IARS2: variants seen among roughly 807,000 people sequenced by gnomAD.
IARS2 encodes isoleucyl-tRNA synthetase 2, mitochondrial.
A neutral mutation model predicts 126.3 loss-of-function variants in IARS2; 56 were observed. The ratio of observed to expected loss-of-function variants is 0.44; its 90% confidence interval spans 0.36 to 0.55. The LOEUF is 0.55. IARS2 is among the 20% of genes least tolerant of loss of function. The pLI is 0.00. For synonymous variants in IARS2, 407 were observed against 441.1 expected (o/e 0.92, Z 0.97); for missense variants, 1,127 against 1,245.9 (o/e 0.90, Z 1.44).
rs551635063 is a variant in IARS2 at position 220,110,768 on chromosome 1, G to T, written c.1328-18G>T. 1.2e-4 allele frequency: 185 copies of T among 1,518,474 alleles called. No homozygotes were observed. The highest frequency in any genetic ancestry group is 1.6e-4 in the Non-Finnish European group (174 of 1,111,162). The allele number at this position is 1,518,474 out of a possible 1,614,324, so 94.1% of individuals were successfully genotyped here. ...GTACTTTTTAATTATGTCTAATTTG[G>T]TGTTTTTTTTTTTAAAGTTATAAAG... On this transcript the variant is annotated intron_variant, in intron 10 of 22. Transcript: ENST00000366922.
chr1:220,141,365 G>C (rs1302949077), intron 19 of IARS2, among the ~76,000 whole-genome samples: 2 of 152,180 alleles, frequency 1.3e-5, no homozygotes, highest in African/African-American at 4.8e-5. Flanking sequence ...CCAGTGTGCA[G>C]GTGACGGTCC....
intron 11 of IARS2, among the ~76,000 whole-genome samples, chr1:220,111,576 GTATATATA>G (rs148565915): frequency 8.6e-5 from 12 of 139,540 alleles, no homozygotes; most frequent in Non-Finnish European, 1.4e-4. Flanking sequence ...TTCTATATGG[GTATATATA>G]TATATATATA....
At chr1:220,102,084 C>T (rs1299108052) in intron 3 of IARS2, 45 bp from the exon 4 acceptor site, 21 of 1,536,124 alleles carry the variant, frequency 1.4e-5, no homozygotes, top group Non-Finnish European at 1.8e-5. Flanking sequence ...TTTAAGAATT[C>T]GAATTCATTG....
At position 220,116,826 on chromosome 1, in the gene IARS2, A is replaced by T. The variant is rs759283685; in HGVS notation, c.1640+2352A>T. ...CAGTGATGTGATCTTGGCTCACTAC[A>T]ACCTCCACCTCCCAGGTTCAAGTGA... On this transcript the variant is annotated intron_variant, in intron 12 of 22. Coordinates refer to ENST00000366922, the MANE Select transcript of IARS2 (RefSeq NM_018060.4). 2.4e-4 allele frequency among the ~76,000 whole-genome samples: 37 copies of T among 152,182 alleles called. 1 individual carries two copies. The Middle Eastern group carries it at 0.017, about 70-fold the overall frequency.
intron 21 of IARS2, among the ~76,000 whole-genome samples, chr1:220,145,011 C>T (rs1657559094): frequency 6.6e-6 from 1 of 151,430 alleles, no homozygotes; most frequent in African/African-American, 2.4e-5. Context: ...TTCAGATTGC[C>T]ACTATCAGTA....
chr1:220,142,370 C>T (rs1301643747), intron 20 of IARS2, among the ~76,000 whole-genome samples: 3 of 151,958 alleles, frequency 2.0e-5, no homozygotes, highest in African/African-American at 4.8e-5. Context: ...ATGGTGGTGG[C>T]GGGTGCCTGT....
intron 1 of IARS2, among the ~76,000 whole-genome samples, chr1:220,095,659 G>A (rs918857821): frequency 2.0e-5 from 3 of 152,188 alleles, no homozygotes. Flanking sequence ...GCAAGTGAGG[G>A]AAGGGAAGTG....
intron 2 of IARS2, among the ~76,000 whole-genome samples, chr1:220,099,398 T>G (rs1358102736): frequency 6.6e-6 from 1 of 152,164 alleles, no homozygotes; most frequent in Non-Finnish European, 1.5e-5. Flanking sequence ...GTAAAACATT[T>G]TTGAGATATA....
In IARS2 at chr1:220,134,517, A is replaced by G; in HGVS notation, c.1946+7A>G. On this transcript the variant is annotated splice_region_variant and intron_variant, in intron 15 of 22. Coordinates refer to ENST00000366922, the MANE Select transcript of IARS2 (RefSeq NM_018060.4). Reference sequence around the variant, plus strand: ...GGAAGAGAGCACCTTATAAGTAAGTATTTATGCCTGAACCAACCTGCTGAG... The same window carrying G: ...GGAAGAGAGCACCTTATAAGTAAGTGTTTATGCCTGAACCAACCTGCTGAG... 1.3e-6 allele frequency: 2 copies of G among 1,592,278 alleles called. No homozygotes were observed. The highest frequency in any genetic ancestry group is 1.7e-6 in the Non-Finnish European group (2 of 1,163,736).
At chr1:220,128,545 TC>T (rs1206942511) in intron 14 of IARS2, among the ~76,000 whole-genome samples, 1 of 152,184 alleles carries the variant, frequency 6.6e-6, no homozygotes, top group East Asian at 1.9e-4. Context: ...GACACATTTC[TC>T]AGAGCATATC....
chr1:220,121,466 TA>T (rs1259927090), intron 12 of IARS2, among the ~76,000 whole-genome samples: 1 of 152,178 alleles, frequency 6.6e-6, no homozygotes, highest in Admixed American at 6.5e-5. Flanking sequence ...ACGGTTGCTT[TA>T]ATAACATGCC....
At chr1:220,109,560 A>T (rs1032421013) in intron 10 of IARS2, among the ~76,000 whole-genome samples, 1 of 152,244 alleles carries the variant, frequency 6.6e-6, no homozygotes, top group African/African-American at 2.4e-5. Flanking sequence ...GCATTAACTG[A>T]TATTAAGCAC....
intron 14 of IARS2, among the ~76,000 whole-genome samples, chr1:220,127,341 G>A (rs1212298248): frequency 6.6e-6 from 1 of 152,136 alleles, no homozygotes; most frequent in African/African-American, 2.4e-5. Flanking sequence ...TCTCCTCTCT[G>A]TACAAACAGC....
chr1:220,138,946 C>T (rs1657434975), intron 17 of IARS2, 62 bp from the exon 18 acceptor site: 12 of 1,430,454 alleles, frequency 8.4e-6, no homozygotes, highest in Non-Finnish European at 1.1e-5. Context: ...AATAACTTTT[C>T]AGTGAAAATT....
At chr1:220,142,307 A>G (rs773017430) in intron 20 of IARS2, among the ~76,000 whole-genome samples, 37 of 152,132 alleles carry the variant, frequency 2.4e-4, no homozygotes, top group Non-Finnish European at 5.1e-4. Flanking sequence ...AAAATTAGCC[A>G]GGCCAACATG....
intron 16 of IARS2, chr1:220,137,707 A>G (rs546168889): frequency 2.3e-5 from 12 of 525,558 alleles, no homozygotes; most frequent in Middle Eastern, 5.3e-4. Flanking sequence ...TGCATTGAAC[A>G]AGATTGCAGA....
chr1:220,134,592 G>T, intron 15 of IARS2, 82 bp downstream of exon 15: 1 of 736,636 alleles, frequency 1.4e-6, no homozygotes, highest in Non-Finnish European at 2.2e-6. Flanking sequence ...AGATGATAAG[G>T]CACCACTCTT....
chr1:220,107,453 A>G (rs1656704512), intron 10 of IARS2, among the ~76,000 whole-genome samples: 1 of 152,160 alleles, frequency 6.6e-6, no homozygotes, highest in South Asian at 2.1e-4. Flanking sequence ...GTTGACTGTA[A>G]ATTACACATT....
intron 2 of IARS2, among the ~76,000 whole-genome samples, chr1:220,098,744 G>A (rs951158024): frequency 8.5e-5 from 13 of 152,244 alleles, no homozygotes; most frequent in Middle Eastern, 3.4e-3. Context: ...GTTTGATACT[G>A]AGGAGTTAGT....
Sources: gnomAD v4.1 joint callset for allele counts (sites outside exome capture counted in the v4.1 genomes callset) on GRCh38, gnomAD v4.1.1 for gene constraint, MANE v1.5 for transcripts, NCBI Gene and HGNC (gene_info 2026-07-23, HGNC 2026-07-21) for gene names.